The following GLIS3 variants were observed in gnomAD, a reference collection of about 807,000 sequenced individuals.
GLIS3 encodes the protein zinc finger protein GLIS3.
A neutral mutation model predicts 78.6 loss-of-function variants in GLIS3; 53 were observed. The observed-to-expected ratio is 0.67, with a 90% confidence interval of 0.54 to 0.85. GLIS3 has a LOEUF of 0.85. Ranked by LOEUF, GLIS3 falls within the 40% of genes least tolerant of loss-of-function variation. GLIS3 has a pLI of 0.00. For synonymous variants in GLIS3, 684 were observed against 509.9 expected, an observed-to-expected ratio of 1.34 and a Z score of -4.60; for missense variants, 1,703 against 1,231.1, an observed-to-expected ratio of 1.38 and a Z score of -5.74.
Position 4,335,034 on chromosome 9 carries a change from G to A in GLIS3, n.264+12047C>T, listed in dbSNP as rs1403207272. Reference sequence around the variant, plus strand: ...TGCCATTCTCCTGCCTCAGCCTCCCGAGTAGCTGGGACTACAGGCGCCCGC... The same window carrying A: ...TGCCATTCTCCTGCCTCAGCCTCCCAAGTAGCTGGGACTACAGGCGCCCGC... On this transcript the variant is annotated intron_variant and non_coding_transcript_variant, in intron 2 of 4. Coordinates refer to the GLIS3 transcript ENST00000471664. Among the ~76,000 whole-genome samples, 16 of 145,270 alleles carry A rather than the reference G, an allele frequency of 1.1e-4. No individual in the cohort carries two copies. In the East Asian group the frequency reaches 2.8e-3, roughly 25 times the overall value.
chr9:3,906,174 C>T (rs890833238), intron 6 of GLIS3, among the ~76,000 whole-genome samples: 3 of 152,168 alleles, frequency 2.0e-5, no homozygotes, highest in African/African-American at 7.2e-5. Context: ...ATGAAGATTC[C>T]GTATTTGCTT....
At chr9:4,343,399 A>T (rs1345218759) in intron 2 of GLIS3, among the ~76,000 whole-genome samples, 1 of 152,182 alleles carries the variant, frequency 6.6e-6, no homozygotes, top group African/African-American at 2.4e-5. Flanking sequence ...TGGCTATTAT[A>T]AAAGGTAAAA....
In GLIS3 at chr9:4,238,521, T is replaced by C. The variant is rs142961384; in HGVS notation, c.388+47517A>G. On this transcript the variant is annotated intron_variant, in intron 2 of 10. Coordinates refer to ENST00000381971, the MANE Select transcript of GLIS3 (RefSeq NM_001042413.2). ...TGCCAAATATGCCCCCAACTTACAG[T>C]GCTAAAACCACCGTGGCTACCTGAA... 2.5e-3 allele frequency among the ~76,000 whole-genome samples: 381 copies of C among 152,310 alleles called. 1 individual carries two copies. The highest frequency in any genetic ancestry group is 8.8e-3 in the African/African-American group (366 of 41,554).
chr9:4,218,141 C>T (rs996610452), intron 2 of GLIS3, among the ~76,000 whole-genome samples: 1 of 152,210 alleles, frequency 6.6e-6, no homozygotes, highest in Non-Finnish European at 1.5e-5. Flanking sequence ...AGCCACATGC[C>T]ATCCTTAATT....
At chr9:4,257,315 G>A (rs1227262266) in intron 2 of GLIS3, among the ~76,000 whole-genome samples, 1 of 152,136 alleles carries the variant, frequency 6.6e-6, no homozygotes, top group African/African-American at 2.4e-5. Context: ...TAGAAGCAGA[G>A]AGTAGATGAG....
chr9:4,292,474 C>T (rs372554626), intron 1 of GLIS3, among the ~76,000 whole-genome samples: 2 of 152,086 alleles, frequency 1.3e-5, no homozygotes, highest in East Asian at 3.9e-4. Flanking sequence ...AAGTACTTAC[C>T]AAGAACAGCT....
chr9:3,953,795 C>CTCTATATATATA (rs1403671770), intron 4 of GLIS3, among the ~76,000 whole-genome samples: 29 of 73,316 alleles, frequency 4.0e-4, no homozygotes, highest in Admixed American at 3.6e-3. Flanking sequence ...CTCTCTCTCT[C>CTCTATATATATA]TATATATATA....
chr9:4,186,144 TCCCCCA>T (rs1817770202), intron 2 of GLIS3, among the ~76,000 whole-genome samples: 1 of 107,976 alleles, frequency 9.3e-6, no homozygotes, highest in South Asian at 3.9e-4. Flanking sequence ...ATGCTATCCC[TCCCCCA>T]CCCCCACCCC....
In GLIS3 at chr9:4,158,269, C is replaced by G. The variant is rs148226838; in HGVS notation, c.389-32328G>C. Among the ~76,000 whole-genome samples the G allele has an allele frequency of 7.1e-3, 1,076 of 152,252 alleles. 10 individuals are homozygous for G. The highest frequency in any genetic ancestry group is 0.024 in the African/African-American group (1,013 of 41,532). ...GGAAAGACGAGCTTTTAGCAACTTTCTGTAGCATGAAAGAGACGTTTTCAG... is the reference window on the plus strand; with the variant it reads ...GGAAAGACGAGCTTTTAGCAACTTTGTGTAGCATGAAAGAGACGTTTTCAG... On this transcript the variant is annotated intron_variant, in intron 2 of 10. Coordinates refer to ENST00000381971, the MANE Select transcript of GLIS3 (RefSeq NM_001042413.2).
At chr9:4,060,380 C>G (rs536050428) in intron 4 of GLIS3, among the ~76,000 whole-genome samples, 1 of 152,154 alleles carries the variant, frequency 6.6e-6, no homozygotes, top group Non-Finnish European at 1.5e-5. Context: ...TCCCTTTCAA[C>G]TGAACCTAAC....
intron 1 of GLIS3, among the ~76,000 whole-genome samples, chr9:4,287,001 T>G (rs1031944087): frequency 6.6e-6 from 1 of 152,220 alleles, no homozygotes; most frequent in Admixed American, 6.5e-5. Context: ...ATCTCTGATT[T>G]TCACTTTAAG....
chr9:3,883,843 A>AAGAG (rs1315833110), intron 7 of GLIS3, among the ~76,000 whole-genome samples: 2 of 152,240 alleles, frequency 1.3e-5, no homozygotes, highest in Admixed American at 1.3e-4. Flanking sequence ...TTTTGTGATT[A>AAGAG]AGAGATGGTA....
chr9:4,002,546 T>C (rs921520467), intron 4 of GLIS3, among the ~76,000 whole-genome samples: 2 of 152,214 alleles, frequency 1.3e-5, no homozygotes, highest in African/African-American at 4.8e-5. Context: ...GCCTCATTGG[T>C]AATCCTTTAT....
At chr9:4,256,281 C>G (rs1455731328) in intron 2 of GLIS3, among the ~76,000 whole-genome samples, 1 of 152,064 alleles carries the variant, frequency 6.6e-6, no homozygotes, top group Non-Finnish European at 1.5e-5. Context: ...TGTATCATAC[C>G]ATTCAGCAAA....
chr9:4,231,718 A>G (rs910981899), intron 2 of GLIS3, among the ~76,000 whole-genome samples: 56 of 152,228 alleles, frequency 3.7e-4, no homozygotes, highest in African/African-American at 1.3e-3. Context: ...TAATCTTATG[A>G]CCAACTAAGT....
In GLIS3 at chr9:4,195,466, G is replaced by A. The variant is rs954787522; in HGVS notation, c.389-69525C>T. ...GGCCAGCAGCTGCAGAGGGGATGCC[G>A]GGTCCCCCAGCACTGCCGGCCCGCC... On this transcript the variant is annotated intron_variant, in intron 2 of 10. Coordinates refer to ENST00000381971, the MANE Select transcript of GLIS3 (RefSeq NM_001042413.2). Among the ~76,000 whole-genome samples, 5 of 152,216 alleles carry A rather than the reference G, an allele frequency of 3.3e-5. No individual in the cohort carries two copies. In the South Asian group the frequency reaches 8.3e-4, roughly 25 times the overall value.
intron 4 of GLIS3, among the ~76,000 whole-genome samples, chr9:3,945,623 G>C (rs1381531470): frequency 3.9e-5 from 6 of 152,226 alleles, no homozygotes; most frequent in African/African-American, 1.4e-4. Flanking sequence ...GATGGCTACT[G>C]GGGAGGTGAG....
intron 4 of GLIS3, among the ~76,000 whole-genome samples, chr9:3,955,044 C>G (rs1471983364): frequency 6.6e-6 from 1 of 152,156 alleles, no homozygotes; most frequent in Non-Finnish European, 1.5e-5. Context: ...CAAGGGAATT[C>G]ACGACGTAGA....
Position 4,286,264 on chromosome 9 carries a change from A to T in GLIS3, c.162T>A (p.Leu54=). The change falls in exon 2 of 11, where the codon CTT becomes CTA. Residue 54 remains leucine (L), a synonymous_variant. Coordinates refer to ENST00000381971, the MANE Select transcript of GLIS3 (RefSeq NM_001042413.2). ...GCATCTTGAGATGGAGGTTGTTAGCAAGGCTTGCCATAGTGGGACTCGATG... is the reference window on the plus strand; with the variant it reads ...GCATCTTGAGATGGAGGTTGTTAGCTAGGCTTGCCATAGTGGGACTCGATG... ...GSTSSPTMAS[L]ANNLHLKMPS... is the part of the protein sequence containing the mutation. The T allele has an allele frequency of 1.9e-6, 3 of 1,614,196 alleles. No individual in the cohort carries two copies. The highest frequency in any genetic ancestry group is 2.5e-6 in the Non-Finnish European group (3 of 1,180,026).
Sources: gnomAD v4.1 joint callset for allele counts (sites outside exome capture counted in the v4.1 genomes callset) on GRCh38, gnomAD v4.1.1 for gene constraint, MANE v1.5 for transcripts, NCBI Gene and HGNC (gene_info 2026-07-23, HGNC 2026-07-21) for gene names.